MSR1: variants seen among roughly 807,000 people sequenced by gnomAD.
The protein encoded by MSR1 is macrophage scavenger receptor types I and II.
MSR1 carries 53 observed loss-of-function variants against 47.2 expected under a neutral mutation model. The ratio of observed to expected loss-of-function variants is 1.12; its 90% CI spans 0.90 to 1.41. The LOEUF is 1.41. Among genes scored for constraint, MSR1 ranks in the 40% most tolerant of loss-of-function variants. The probability of loss-of-function intolerance (pLI) is 0.00; values close to 1 mark genes in which losing one functional copy is unlikely to be tolerated. For synonymous variants in MSR1, 239 were observed against 185.6 expected (o/e 1.29, Z -2.34); for missense variants, 786 against 546.9 (o/e 1.44, Z -4.36).
intron 3 of MSR1, among the ~76,000 whole-genome samples, chr8:16,170,137 C>A (rs1801439460): frequency 6.6e-6 from 1 of 152,106 alleles, no homozygotes; most frequent in Non-Finnish European, 1.5e-5. Flanking sequence ...ATCCCCAGGT[C>A]AGGAGATCAA....
chr8:16,115,285 A>T lies in MSR1; in HGVS notation c.1223-5067T>A, dbSNP rs553859687. Among the ~76,000 whole-genome samples, 128 of 152,334 alleles carry T rather than the reference A, an allele frequency of 8.4e-4. 1 individual carries two copies. Among genetic ancestry groups the T allele is most frequent in the Non-Finnish European group, 2.9e-4 (20 of 68,026 alleles). ...TAAGAGAAGGATAAATAATTAAAAC[A>T]ATGCATGTTTCTCTTTTAGTTCTTT... is the stretch of plus-strand genomic sequence containing the variant. On this transcript the variant is annotated intron_variant, in intron 9 of 9. Transcript: ENST00000262101.
chr8:16,121,291 A>C (rs1246918617), intron 8 of MSR1: 1 of 275,382 alleles, frequency 3.6e-6, no homozygotes, highest in South Asian at 3.6e-5. Flanking sequence ...AACTACAAAG[A>C]AATAAACTTT....
chr8:16,190,723 C>CTTTTTTTTTTTTTTTTTT (rs772816603), intron 1 of MSR1, among the ~76,000 whole-genome samples: 15 of 145,294 alleles, frequency 1.0e-4, no homozygotes, highest in Admixed American at 2.1e-4. Flanking sequence ...TTTTTTCTTT[C>CTTTTTTTTTTTTTTTTTT]TTTCTTTTTG....
At chr8:16,178,056 T>A (rs558214792) in intron 1 of MSR1, 64 bp from the exon 2 acceptor site, 1 of 1,264,960 alleles carries the variant, frequency 7.9e-7, no homozygotes, top group African/African-American at 1.5e-5. Context: ...TTTTGCATAA[T>A]GTTTTAAACT....
intron 2 of MSR1, among the ~76,000 whole-genome samples, chr8:16,176,610 C>T (rs1315987027): frequency 6.6e-6 from 1 of 151,898 alleles, no homozygotes; most frequent in African/African-American, 2.4e-5. Context: ...AGATATAGTC[C>T]ACCTGCCAGG....
chr8:16,189,389 T>TTATTTTATATA (rs1293904803), intron 1 of MSR1, among the ~76,000 whole-genome samples: 3 of 90,164 alleles, frequency 3.3e-5, no homozygotes, highest in Non-Finnish European at 5.4e-5. Flanking sequence ...ATATAAAATC[T>TTATTTTATATA]TATTTTATAT....
chr8:16,170,237 A>G (rs1364191974), intron 3 of MSR1, among the ~76,000 whole-genome samples: 1 of 151,784 alleles, frequency 6.6e-6, no homozygotes, highest in African/African-American at 2.4e-5. Flanking sequence ...AGGCCCATCT[A>G]CTCAGGAGGC....
At chr8:16,146,231 T>A (rs756952638) in intron 7 of MSR1, among the ~76,000 whole-genome samples, 5 of 152,068 alleles carry the variant, frequency 3.3e-5, no homozygotes, top group Non-Finnish European at 7.4e-5. Context: ...TGCTTCTTCC[T>A]GGTCCCTGAA....
intron 7 of MSR1, among the ~76,000 whole-genome samples, chr8:16,148,880 G>C (rs151236623): frequency 6.6e-6 from 1 of 152,242 alleles, no homozygotes; most frequent in African/African-American, 2.4e-5. Context: ...ACCATGGAAA[G>C]ATATAGAGAA....
Position 16,141,849 on chromosome 8 carries a change from A to G in MSR1, c.1033+1709T>C, listed in dbSNP as rs764438440. Among the ~76,000 whole-genome samples the G allele has an allele frequency of 1.2e-4, 19 of 152,200 alleles. 1 individual carries two copies. Among genetic ancestry groups the G allele is most frequent in the Non-Finnish European group, 2.4e-4 (16 of 68,036 alleles). ...AAAAAAAAAATAGTTTCTTATTTGC[A>G]AAACTTGACTAAAGTCAATGTTAAG... On this transcript the variant is annotated intron_variant, in intron 8 of 9. Transcript: ENST00000262101.
intron 8 of MSR1, among the ~76,000 whole-genome samples, chr8:16,136,328 T>A (rs765384049): frequency 1.3e-5 from 2 of 152,120 alleles, no homozygotes; most frequent in African/African-American, 2.4e-5. Flanking sequence ...GGCAAGACCC[T>A]CCACCAGAAA....
intron 1 of MSR1, among the ~76,000 whole-genome samples, chr8:16,189,815 C>G (rs187511474): frequency 7.2e-6 from 1 of 138,170 alleles, no homozygotes; most frequent in Non-Finnish European, 1.5e-5. Flanking sequence ...ATAAAAAATA[C>G]AGCCATTTTT....
intron 8 of MSR1, among the ~76,000 whole-genome samples, chr8:16,124,971 G>C (rs1800095911): frequency 6.6e-6 from 1 of 152,250 alleles, no homozygotes; most frequent in Admixed American, 6.5e-5. Context: ...TAGTTTCTAT[G>C]AGTAGAAACA....
intron 7 of MSR1, among the ~76,000 whole-genome samples, chr8:16,146,709 C>T (rs1243617221): frequency 6.6e-6 from 1 of 152,148 alleles, no homozygotes; most frequent in African/African-American, 2.4e-5. Flanking sequence ...CTTTGTTCAT[C>T]TCAGCCTGTA....
chr8:16,156,581 T>G (rs1801016821), intron 5 of MSR1, among the ~76,000 whole-genome samples: 1 of 151,838 alleles, frequency 6.6e-6, no homozygotes, highest in South Asian at 2.1e-4. Context: ...GTATTTTTAT[T>G]ATAAAAGCAA....
chr8:16,110,980 G>T (rs1799744255), intron 9 of MSR1, among the ~76,000 whole-genome samples: 1 of 152,000 alleles, frequency 6.6e-6, no homozygotes. Context: ...TTTTAAGGCA[G>T]AAGAAGGAAA....
intron 5 of MSR1, among the ~76,000 whole-genome samples, chr8:16,157,464 G>T (rs552373962): frequency 6.6e-6 from 1 of 151,956 alleles, no homozygotes; most frequent in East Asian, 1.9e-4. Flanking sequence ...AACAGGTAAA[G>T]ATTTTTGTTA....
chr8:16,159,104 C>T (rs1801091876), intron 5 of MSR1, among the ~76,000 whole-genome samples: 1 of 151,420 alleles, frequency 6.6e-6, no homozygotes, highest in Admixed American at 6.6e-5. Flanking sequence ...TTCTAGCCTA[C>T]AGTCCAGCTG....
In MSR1 at chr8:16,120,505, A is replaced by G. The variant is rs781324918; in HGVS notation, c.1135T>C (p.Trp379Arg). The change falls in exon 9 of 10, where the codon TGG becomes CGG. Residue 379 changes from tryptophan (W) to arginine (R), a missense_variant. Coordinates refer to ENST00000262101, the MANE Select transcript of MSR1 (RefSeq NM_138715.3). ...ACGACCTGTCCAACGCGCACTTCCCAGCGATCGTCACAAATTGTACCCCAC... is the reference window on the plus strand; with the variant it reads ...ACGACCTGTCCAACGCGCACTTCCCGGCGATCGTCACAAATTGTACCCCAC... ...GQWGTICDDRWEVRVGQVVCR... is the reference protein window; with the variant it reads ...GQWGTICDDRREVRVGQVVCR... 6 of 1,613,798 alleles carry G rather than the reference A, an allele frequency of 3.7e-6. No individual in the cohort carries two copies. Among genetic ancestry groups the G allele is most frequent in the South Asian group, 3.3e-5 (3 of 91,066 alleles).
Sources: allele counts gnomAD v4.1 joint callset (sites outside exome capture counted in the v4.1 genomes callset), GRCh38; gene constraint gnomAD v4.1.1; transcripts MANE v1.5; gene names NCBI Gene and HGNC (gene_info 2026-07-23, HGNC 2026-07-21).